Variants in MROH1 observed in about 807,000 individuals in gnomAD.
MROH1 encodes maestro heat like repeat family member 1, also known as maestro heat-like repeat-containing protein family member 1.
A neutral mutation model predicts 116.5 loss-of-function variants in MROH1; 117 were observed. That is an observed-to-expected ratio of 1.00 (90% CI 0.86 to 1.17). The LOEUF (loss-of-function observed/expected upper bound fraction) is 1.17, where lower values mean the gene tolerates loss of function less well. Among genes scored for constraint, MROH1 ranks in the 50% most tolerant of loss-of-function variants. MROH1 has a pLI of 0.00. For missense variants in MROH1, 1,873 were observed against 1,338.5 expected, an observed-to-expected ratio of 1.40 and a Z score of -6.23; for synonymous variants, 921 against 583.9, an observed-to-expected ratio of 1.58 and a Z score of -8.32.
chr8:144,231,865 G>T (rs569471439), intron 14 of MROH1, among the ~76,000 whole-genome samples: 4 of 152,214 alleles, frequency 2.6e-5, no homozygotes, highest in Admixed American at 6.5e-5. Flanking sequence ...GTGAAACAAC[G>T]TCACGCCCGA....
chr8:144,247,760 C>G, intron 31 of MROH1, 81 bp downstream of exon 31: 1 of 701,258 alleles, frequency 1.4e-6, no homozygotes, highest in East Asian at 2.7e-5. Flanking sequence ...GGCACCTGGC[C>G]TCCCCTAGCC....
At chr8:144,237,245 A>G (rs1840207301) in intron 14 of MROH1, among the ~76,000 whole-genome samples, 1 of 152,218 alleles carries the variant, frequency 6.6e-6, no homozygotes, top group East Asian at 1.9e-4. Flanking sequence ...CTCTCTCCGC[A>G]TGGACTCGTG....
chr8:144,167,511 T>G (rs1821235689), intron 3 of MROH1, among the ~76,000 whole-genome samples: 1 of 125,432 alleles, frequency 8.0e-6, no homozygotes, highest in Admixed American at 7.7e-5. Context: ...GGCCGGTTGT[T>G]GGGGTGGAGT....
intron 4 of MROH1, among the ~76,000 whole-genome samples, chr8:144,170,044 G>T (rs1486752341): frequency 6.6e-6 from 1 of 152,208 alleles, no homozygotes; most frequent in Non-Finnish European, 1.5e-5. Flanking sequence ...TGTTGCCCAT[G>T]TTGGTCTCGA....
chr8:144,237,891 C>T (rs1276585638), intron 14 of MROH1, among the ~76,000 whole-genome samples: 3 of 152,068 alleles, frequency 2.0e-5, no homozygotes, highest in African/African-American at 4.8e-5. Flanking sequence ...CCTCACTGTT[C>T]GTTATCAGGT....
intron 21 of MROH1, 57 bp from the exon 22 acceptor site, chr8:144,241,338 G>A (rs1039310461): frequency 4.5e-5 from 33 of 729,448 alleles, no homozygotes; most frequent in Admixed American, 1.4e-4. Context: ...GACAGTGTGC[G>A]TGCATGTGTG....
At chr8:144,192,434 TTC>T (rs1828865989) in intron 10 of MROH1, 33 bp downstream of exon 10, 7 of 1,531,204 alleles carry the variant, frequency 4.6e-6, no homozygotes, top group Admixed American at 3.8e-5. Context: ...CGGGTCCAGG[TTC>T]TGCACACCCT....
chr8:144,177,067 A>G (rs1382289628), intron 4 of MROH1, among the ~76,000 whole-genome samples: 1 of 152,170 alleles, frequency 6.6e-6, no homozygotes, highest in East Asian at 1.9e-4. Context: ...GGCAGGTTCC[A>G]CGTGAACTTA....
intron 10 of MROH1, 23 bp from the exon 11 acceptor site, chr8:144,199,099 C>T (rs974384292): frequency 1.9e-6 from 3 of 1,610,648 alleles, no homozygotes; most frequent in Non-Finnish European, 2.5e-6. Flanking sequence ...TGGTCTATAA[C>T]CTCGGCCCCG....
chr8:144,199,232 A>G (rs532517639), intron 11 of MROH1, 32 bp downstream of exon 11: 1 of 1,600,590 alleles, frequency 6.2e-7, no homozygotes, highest in South Asian at 1.1e-5. Flanking sequence ...GCCCATGGGC[A>G]TCTGTGGACA....
chr8:144,224,313 A>G (rs1008900906), intron 14 of MROH1, among the ~76,000 whole-genome samples: 22 of 152,326 alleles, frequency 1.4e-4, no homozygotes, highest in Admixed American at 2.6e-4. Context: ...TCTGCCAGCC[A>G]GACTGGAGTG....
intron 22 of MROH1, 101 bp downstream of exon 22, chr8:144,241,618 C>G: frequency 1.3e-6 from 1 of 762,034 alleles, no homozygotes; most frequent in Non-Finnish European, 2.4e-6. Flanking sequence ...AAGCTGGTTG[C>G]GTCCCTGGAC....
chr8:144,247,734 C>A, intron 31 of MROH1, 55 bp downstream of exon 31: 1 of 711,392 alleles, frequency 1.4e-6, no homozygotes. Context: ...CTGGGGCTAA[C>A]AGGGACTTCC....
intron 1 of MROH1, among the ~76,000 whole-genome samples, chr8:144,152,428 C>T (rs1474913848): frequency 6.6e-6 from 1 of 151,312 alleles, no homozygotes; most frequent in African/African-American, 2.4e-5. Flanking sequence ...CTTGCTCTGT[C>T]GCCAGGCTGG....
At chr8:144,167,658 G>GAACC (rs1310565349) in intron 3 of MROH1, among the ~76,000 whole-genome samples, 3 of 152,160 alleles carry the variant, frequency 2.0e-5, no homozygotes, top group Non-Finnish European at 4.4e-5. Flanking sequence ...CATGTACAGG[G>GAACC]AACCACCTGG....
chr8:144,199,835 G>A (rs932916805), intron 11 of MROH1, among the ~76,000 whole-genome samples: 1 of 152,218 alleles, frequency 6.6e-6, no homozygotes, highest in African/African-American at 2.4e-5. Context: ...TCCGCAGGAG[G>A]GGTGTGGGGA....
chr8:144,227,288 G>T (rs1165496905), intron 14 of MROH1, among the ~76,000 whole-genome samples: 1 of 152,166 alleles, frequency 6.6e-6, no homozygotes, highest in Admixed American at 6.5e-5. Flanking sequence ...GAAGTGGTGA[G>T]AGCAGCCACC....
At chr8:144,259,806 C>CT (rs1435608945) in intron 37 of MROH1, 105 bp from the exon 38 acceptor site, 2 of 702,346 alleles carry the variant, frequency 2.8e-6, no homozygotes, top group African/African-American at 3.5e-5. Flanking sequence ...CCACCTCTGT[C>CT]TGCCACACCG....
intron 14 of MROH1, among the ~76,000 whole-genome samples, chr8:144,235,778 G>T (rs1455739680): frequency 6.6e-6 from 1 of 152,144 alleles, no homozygotes; most frequent in Non-Finnish European, 1.5e-5. Flanking sequence ...AGAGATCATG[G>T]TATATGCTTT....
Sources: gnomAD v4.1 joint callset for allele counts (sites outside exome capture counted in the v4.1 genomes callset) on GRCh38, gnomAD v4.1.1 for gene constraint, MANE v1.5 for transcripts, NCBI Gene and HGNC (gene_info 2026-07-23, HGNC 2026-07-21) for gene names.